TTLL10: variants seen among roughly 807,000 people sequenced by gnomAD.
TTLL10 encodes inactive polyglycylase TTLL10.
A neutral mutation model predicts 69.0 loss-of-function variants in TTLL10; 61 were observed. That is an observed-to-expected ratio of 0.88 (90% CI 0.72 to 1.09). TTLL10 has a LOEUF of 1.09. TTLL10 is among the 50% of genes least tolerant of loss of function. TTLL10 has a pLI of 0.00. For synonymous variants in TTLL10, 408 were observed against 393.3 expected, an observed-to-expected ratio of 1.04 and a Z score of -0.44; for missense variants, 962 against 945.9, an observed-to-expected ratio of 1.02 and a Z score of -0.22.
At chr1:1,175,170 C>A (rs79683784) in intron 3 of TTLL10, 4 of 160,714 alleles carry the variant, frequency 2.5e-5, no homozygotes, top group Admixed American at 2.2e-4. Flanking sequence ...TAACAGCTCA[C>A]AACTTATTTA....
At chr1:1,197,273 C>G (rs1001712842) in intron 15 of TTLL10, 87 bp downstream of exon 15, 1 of 1,366,950 alleles carries the variant, frequency 7.3e-7, no homozygotes, top group African/African-American at 1.4e-5. Context: ...CAGACCCCCA[C>G]AGATGGGGCT....
chr1:1,181,779 T>G lies in TTLL10; in HGVS notation c.794T>G (p.Leu265Arg), dbSNP rs41285820. ...KDAAAPALED[L>R]PWTSPGYLRP... ...GCAGCAGCGCCCGCCCTGGAGGACCTCCCGTGGACAAGCCCAGGATACCTC... is the reference window on the plus strand; with the variant it reads ...GCAGCAGCGCCCGCCCTGGAGGACCGCCCGTGGACAAGCCCAGGATACCTC... Residue 265 changes from leucine to arginine, a missense_variant, in exon 9 of 16, where the codon CTC (leucine) becomes CGC (arginine). Leu to Arg is a moderately radical substitution (Grantham distance 102). Coordinates refer to ENST00000379289, the MANE Select transcript of TTLL10 (RefSeq NM_001130045.2). The surrounding 1 kb of genome is among the most constrained non-coding windows in gnomAD (Gnocchi z 4.6). 1.7e-3 allele frequency: 2,719 copies of G among 1,609,168 alleles called. 4 individuals are homozygous for G. The highest frequency in any genetic ancestry group is 2.1e-3 in the Non-Finnish European group (2,520 of 1,178,790).
intron 13 of TTLL10, among the ~76,000 whole-genome samples, chr1:1,194,863 T>G (rs1386446371): frequency 6.6e-6 from 1 of 152,232 alleles, no homozygotes; most frequent in Non-Finnish European, 1.5e-5. Flanking sequence ...TCTGCCATTA[T>G]TTTTTCAAAT....
chr1:1,179,120 A>T, intron 3 of TTLL10, 69 bp from the exon 4 acceptor site: 2 of 1,106,748 alleles, frequency 1.8e-6, no homozygotes, highest in Non-Finnish European at 2.5e-6. Flanking sequence ...TGCCTGCTCC[A>T]TCCAAGCACT....
At chr1:1,179,451 A>C in intron 4 of TTLL10, 118 bp downstream of exon 4, 1 of 1,230,734 alleles carries the variant, frequency 8.1e-7, no homozygotes, top group Non-Finnish European at 1.2e-6. Context: ...GGATCCACAC[A>C]TGGCCATGCC....
In TTLL10 at chr1:1,182,938, C is replaced by T. The variant is rs770731314; in HGVS notation, c.979C>T (p.Arg327Trp). 58 of 1,599,906 alleles carry T rather than the reference C, an allele frequency of 3.6e-5. No homozygotes were observed. In the Admixed American group the frequency reaches 5.1e-4, roughly 14 times the overall value. The change falls in exon 11 of 16, where the codon CGG (arginine) becomes TGG (tryptophan). Residue 327 changes from arginine to tryptophan, a missense_variant. Transcript: ENST00000379289. Reference sequence around the variant, plus strand: ...CCAGGGCAAAGGCATCTTCCTGCTCCGGAACCAGGAGGAAGTTGCCGCCCT... The same window carrying T: ...CCAGGGCAAAGGCATCTTCCTGCTCTGGAACCAGGAGGAAGTTGCCGCCCT... The part of the protein sequence containing the change: ...SNQGKGIFLL[R>W]NQEEVAALQA...
rs1309012774 is a variant in TTLL10, at chr1:1,181,239, A to G, written c.755+379A>G. On this transcript the variant is annotated intron_variant, in intron 8 of 15. Transcript: ENST00000379289. The surrounding 1 kb of genome is among the most constrained non-coding windows in gnomAD (Gnocchi z 4.6). ...GTCCATCTCACAGACCCACCCAGGTACAACCCACCTGTCAATCTGCCTTCA... is the reference window on the plus strand; with the variant it reads ...GTCCATCTCACAGACCCACCCAGGTGCAACCCACCTGTCAATCTGCCTTCA... 6.6e-6 allele frequency among the ~76,000 whole-genome samples: 1 copy of G among 151,598 alleles called. No individual in the cohort carries two copies. The highest frequency in any genetic ancestry group is 1.9e-4 in the East Asian group (1 of 5,140).
Position 1,184,066 on chromosome 1 carries a change from A to G in TTLL10, c.1235A>G (p.Asp412Gly), listed in dbSNP as rs1647169796. ...AGCCTTTACGACCCCCATTCCAGCG[A>G]CCTCGGCGGCCACTTGACCAACCAG... is the stretch of plus-strand genomic sequence containing the variant. ...TLSLYDPHSS[D>G]LGGHLTNQFM... Residue 412 changes from aspartate (D) to glycine (G), a missense_variant, in exon 12 of 16, where the codon GAC becomes GGC. Asp to Gly is a moderately conservative substitution (Grantham distance 94). Coordinates refer to ENST00000379289, the MANE Select transcript of TTLL10 (RefSeq NM_001130045.2). 1 of 1,614,120 alleles carries G rather than the reference A, an allele frequency of 6.2e-7. No individual in the cohort carries two copies. The highest frequency in any genetic ancestry group is 1.3e-5 in the African/African-American group (1 of 75,044).
In TTLL10 at chr1:1,197,779, C is replaced by T. The variant is rs1353039540; in HGVS notation, c.1954C>T (p.Pro652Ser). ...TEQSGTGNRH[P>S]AQEPSPGTAK... ...GCAGTCGGGCACAGGCAACAGGCACCCGGCGCAAGAGCCTTCCCCGGGGAC... is the reference window on the plus strand; with the variant it reads ...GCAGTCGGGCACAGGCAACAGGCACTCGGCGCAAGAGCCTTCCCCGGGGAC... The change falls in exon 16 of 16, where the codon CCG (proline) becomes TCG (serine). Residue 652 changes from proline (P) to serine (S), a missense_variant. Coordinates refer to ENST00000379289, the MANE Select transcript of TTLL10 (RefSeq NM_001130045.2). 2.0e-6 allele frequency: 3 copies of T among 1,532,952 alleles called. No individual in the cohort carries two copies. The highest frequency in any genetic ancestry group is 2.5e-5 in the East Asian group (1 of 39,684). The allele number at this position is 1,532,952 out of a possible 1,614,324, so 95.0% of individuals were successfully genotyped here. A position where few individuals can be genotyped will look rare whatever the true frequency, so the allele number is the denominator to read the frequency against.
At chr1:1,177,308 G>A (rs1295242930) in intron 3 of TTLL10, among the ~76,000 whole-genome samples, 2 of 151,626 alleles carry the variant, frequency 1.3e-5, no homozygotes, top group African/African-American at 4.8e-5. Flanking sequence ...AAATGTGTCT[G>A]TGTGTCATTC....
intron 11 of TTLL10, 105 bp downstream of exon 11, chr1:1,183,152 G>A: frequency 7.3e-7 from 1 of 1,371,918 alleles, no homozygotes; most frequent in South Asian, 1.5e-5. Context: ...GTGGAAAGCA[G>A]CCGCACCACC....
intron 9 of TTLL10, among the ~76,000 whole-genome samples, 171 bp from the exon 10 acceptor site, chr1:1,182,190 G>A (rs1211984116): frequency 1.3e-5 from 2 of 152,226 alleles, no homozygotes; most frequent in Admixed American, 1.3e-4. Flanking sequence ...CCCGTTGGGG[G>A]GGTGCTGCAA....
intron 3 of TTLL10, chr1:1,175,134 A>C (rs1341596557): frequency 6.4e-6 from 1 of 156,848 alleles, no homozygotes; most frequent in Non-Finnish European, 1.4e-5. Flanking sequence ...AAAAAAAAAA[A>C]CACCTTTAAT....
intron 13 of TTLL10, 189 bp from the exon 14 acceptor site, chr1:1,196,411 C>A: frequency 1.7e-6 from 1 of 593,188 alleles, no homozygotes. Flanking sequence ...AGGAGCTGCA[C>A]GAGTTTGTTG....
intron 13 of TTLL10, 30 bp from the exon 14 acceptor site, chr1:1,196,570 C>T (rs1426100237): frequency 1.3e-6 from 2 of 1,520,348 alleles, no homozygotes; most frequent in Non-Finnish European, 8.9e-7. Flanking sequence ...CTACGGGCCG[C>T]AGCCAGGATG....
rs375859983 is a variant in TTLL10, at chr1:1,185,150, C to T, written c.1401+41C>T. The T allele has an allele frequency of 1.0e-5, 16 of 1,601,684 alleles. 1 individual carries two copies. Among genetic ancestry groups the T allele is most frequent in the African/African-American group, 4.0e-5 (3 of 74,398 alleles). On this transcript the variant is annotated intron_variant, in intron 13 of 15. Transcript: ENST00000379289. This position sits in a 1 kb window ranked among gnomAD's most constrained non-coding sequence, Gnocchi z 6.1. ...CCTCCAGTCTGGGAGTGAGATCCCT[C>T]GGGGCGGGGGTGTGTGGTCAGGCTG...
chr1:1,191,072 C>T (rs113469242), intron 13 of TTLL10, among the ~76,000 whole-genome samples: 266 of 152,264 alleles, frequency 1.7e-3, no homozygotes, highest in African/African-American at 5.2e-3. Flanking sequence ...TCAGGTGATC[C>T]GCCTGCCAAA....
At chr1:1,175,737 T>TGTG (rs1164396091) in intron 3 of TTLL10, 2 of 452,708 alleles carry the variant, frequency 4.4e-6, no homozygotes, top group Non-Finnish European at 4.4e-6. Flanking sequence ...TCCCAGCTGC[T>TGTG]GTGCAGGTGG....
Position 1,183,024 on chromosome 1 carries a change from G to T in TTLL10, c.1065G>T (p.Gly355=), listed in dbSNP as rs773422212. The T allele has an allele frequency of 2.1e-5, 33 of 1,608,312 alleles. No individual in the cohort carries two copies. In the Middle Eastern group the frequency reaches 4.9e-4, roughly 24 times the overall value. Residue 355 remains glycine (G), a synonymous_variant, in exon 11 of 16, where the codon GGG becomes GGT. Coordinates refer to ENST00000379289, the MANE Select transcript of TTLL10 (RefSeq NM_001130045.2). ...TCCACCACAAGACGCCGTTCCGGGG[G>T]CCTCAGGCGCGGGTGGTGCAGAGGT... is the stretch of plus-strand genomic sequence containing the variant. The part of the protein sequence containing the change: ...DPIHHKTPFR[G]PQARVVQRYI...
Sources: gnomAD v4.1 joint callset for allele counts (sites outside exome capture counted in the v4.1 genomes callset) on GRCh38, gnomAD v4.1.1 for gene constraint, Gnocchi (gnomAD v3.1) non-coding constraint, MANE v1.5 for transcripts, NCBI Gene and HGNC (gene_info 2026-07-23, HGNC 2026-07-21) for gene names.